UNC5C: variants seen among roughly 807,000 people sequenced by gnomAD.
UNC5C encodes the protein unc-5 netrin receptor C.
UNC5C carries 47 observed loss-of-function variants against 99.8 expected under a neutral mutation model. The ratio of observed to expected loss-of-function variants is 0.47; its 90% CI spans 0.37 to 0.60. The LOEUF is 0.60. Ranked by LOEUF, UNC5C falls within the 20% of genes least tolerant of loss-of-function variation. The pLI, the probability that UNC5C is intolerant of heterozygous loss-of-function variation, is 0.00. For synonymous variants in UNC5C, 487 were observed against 452.2 expected, an observed-to-expected ratio of 1.08 and a Z score of -0.98; for missense variants, 1,062 against 1,165.9, an observed-to-expected ratio of 0.91 and a Z score of 1.30.
rs994132251 is a variant in UNC5C, at chr4:95,371,431, GGGGA to G, written c.125-35804_125-35801del. Among the ~76,000 whole-genome samples, 374 of 69,316 alleles carry G rather than the reference GGGGA, an allele frequency of 5.4e-3. 7 individuals are homozygous for G. Among genetic ancestry groups the G allele is most frequent in the African/African-American group, 0.015 (188 of 12,168 alleles). The allele number at this position is 69,316 out of a possible 152,430, so 45.5% of individuals were successfully genotyped here. Reference sequence around the variant, plus strand: ...AAACACAGTATATTTTGTGGGGGGGGGGGAGTATCAAATGTGATTGAGGTTAGAG... The same window carrying G: ...AAACACAGTATATTTTGTGGGGGGGGGTATCAAATGTGATTGAGGTTAGAG... On this transcript the variant is annotated intron_variant, in intron 1 of 15. Transcript: ENST00000453304.
chr4:95,228,752 A>T (rs1424196732), intron 7 of UNC5C, among the ~76,000 whole-genome samples: 1 of 152,244 alleles, frequency 6.6e-6, no homozygotes, highest in African/African-American at 2.4e-5. Context: ...ATTGCATGAG[A>T]TAACCCTGCT....
intron 4 of UNC5C, among the ~76,000 whole-genome samples, chr4:95,265,522 A>T (rs963502167): frequency 2.0e-5 from 3 of 152,222 alleles, no homozygotes; most frequent in Non-Finnish European, 4.4e-5. Flanking sequence ...AATAACACAC[A>T]ACACAATGAA....
intron 1 of UNC5C, among the ~76,000 whole-genome samples, chr4:95,440,744 C>A (rs966354744): frequency 1.3e-5 from 2 of 152,018 alleles, no homozygotes; most frequent in Admixed American, 1.3e-4. Context: ...TAACATTTGG[C>A]CATGCCTCAG....
At chr4:95,329,655 G>A (rs1037319251) in intron 2 of UNC5C, among the ~76,000 whole-genome samples, 3 of 152,088 alleles carry the variant, frequency 2.0e-5, no homozygotes, top group African/African-American at 7.2e-5. Context: ...CTATTCGGTT[G>A]CTGATCTTTT....
chr4:95,351,965 T>C lies in UNC5C; in HGVS notation c.125-16334A>G, dbSNP rs116261383. On this transcript the variant is annotated intron_variant, in intron 1 of 15. Coordinates refer to ENST00000453304, the MANE Select transcript of UNC5C (RefSeq NM_003728.4). The stretch of plus-strand genomic sequence containing the variant: ...TGTTCATTAGCACTCTATTGCTTCC[T>C]GTCCTATGTCTTCGACCTTTCCCTT... Among the ~76,000 whole-genome samples the C allele has an allele frequency of 5.5e-3, 843 of 152,216 alleles. 11 individuals carry two copies. Among genetic ancestry groups the C allele is most frequent in the African/African-American group, 0.019 (799 of 41,546 alleles).
chr4:95,368,903 ATG>A (rs137862816), intron 1 of UNC5C, among the ~76,000 whole-genome samples: 9 of 150,464 alleles, frequency 6.0e-5, no homozygotes, highest in Non-Finnish European at 1.2e-4. Flanking sequence ...GTGTGTGTGT[ATG>A]TGTGTGTGTG....
intron 1 of UNC5C, among the ~76,000 whole-genome samples, chr4:95,503,143 C>A (rs1051148698): frequency 1.3e-5 from 2 of 152,022 alleles, no homozygotes; most frequent in Admixed American, 1.3e-4. Context: ...GTGATTAGAT[C>A]ATGTAGGCTC....
chr4:95,311,704 T>C (rs1742283416), intron 2 of UNC5C, among the ~76,000 whole-genome samples: 1 of 152,186 alleles, frequency 6.6e-6, no homozygotes, highest in African/African-American at 2.4e-5. Context: ...CTTTACTATG[T>C]GACAAGAACT....
chr4:95,283,568 C>T (rs1284354301), intron 3 of UNC5C, among the ~76,000 whole-genome samples: 2 of 152,196 alleles, frequency 1.3e-5, no homozygotes, highest in African/African-American at 2.4e-5. Flanking sequence ...CTTTTATCAT[C>T]TGGAGAGATG....
intron 1 of UNC5C, among the ~76,000 whole-genome samples, chr4:95,521,226 T>C (rs929917009): frequency 1.3e-5 from 2 of 148,694 alleles, no homozygotes; most frequent in African/African-American, 4.9e-5. Flanking sequence ...TCTTTTTTCT[T>C]TTTTTTTTGA....
At chr4:95,416,606 G>A (rs1746172529) in intron 1 of UNC5C, among the ~76,000 whole-genome samples, 2 of 152,088 alleles carry the variant, frequency 1.3e-5, no homozygotes, top group Admixed American at 6.5e-5. Context: ...GGAGACATTC[G>A]GACAATTAGG....
At chr4:95,413,474 A>G (rs1746062363) in intron 1 of UNC5C, among the ~76,000 whole-genome samples, 1 of 151,902 alleles carries the variant, frequency 6.6e-6, no homozygotes, top group Admixed American at 6.5e-5. Flanking sequence ...TCATCCAGGC[A>G]TCATCTAACA....
chr4:95,423,416 C>T (rs1296583043), intron 1 of UNC5C, among the ~76,000 whole-genome samples: 3 of 152,114 alleles, frequency 2.0e-5, no homozygotes, highest in Non-Finnish European at 4.4e-5. Flanking sequence ...TGCAGTTATA[C>T]TTTAAAAATG....
chr4:95,497,568 T>C (rs1263984083), intron 1 of UNC5C, among the ~76,000 whole-genome samples: 1 of 152,044 alleles, frequency 6.6e-6, no homozygotes, highest in African/African-American at 2.4e-5. Context: ...CATGTGGAAA[T>C]CACTAATGGT....
chr4:95,511,193 A>G (rs1420224677), intron 1 of UNC5C, among the ~76,000 whole-genome samples: 1 of 152,146 alleles, frequency 6.6e-6, no homozygotes, highest in African/African-American at 2.4e-5. Flanking sequence ...GCAGAAGCTA[A>G]TAATATCAGG....
intron 1 of UNC5C, among the ~76,000 whole-genome samples, chr4:95,489,139 GAAGA>G (rs777878057): frequency 5.8e-4 from 87 of 150,190 alleles, no homozygotes; most frequent in Non-Finnish European, 1.0e-3. Flanking sequence ...AGGAGGGAAG[GAAGA>G]AAGAAGGAAG....
At chr4:95,425,157 G>C (rs866576722) in intron 1 of UNC5C, among the ~76,000 whole-genome samples, 8 of 152,092 alleles carry the variant, frequency 5.3e-5, no homozygotes, top group South Asian at 4.1e-4. Context: ...AGGCGTTTGA[G>C]ATCACCAAAT....
chr4:95,322,989 T>G (rs1742750065), intron 2 of UNC5C, among the ~76,000 whole-genome samples: 1 of 151,762 alleles, frequency 6.6e-6, no homozygotes, highest in South Asian at 2.1e-4. Context: ...ATTGATAATT[T>G]CATATGAATT....
At chr4:95,351,965 T>A (rs116261383) in intron 1 of UNC5C, among the ~76,000 whole-genome samples, 6 of 152,102 alleles carry the variant, frequency 3.9e-5, no homozygotes, top group Non-Finnish European at 8.8e-5. Context: ...TATTGCTTCC[T>A]GTCCTATGTC....
Sources: gnomAD v4.1 joint callset for allele counts (sites outside exome capture counted in the v4.1 genomes callset) on GRCh38, gnomAD v4.1.1 for gene constraint, MANE v1.5 for transcripts, NCBI Gene and HGNC (gene_info 2026-07-23, HGNC 2026-07-21) for gene names.